Variants in RNF144A observed in about 807,000 individuals in gnomAD.
RNF144A encodes the protein E3 ubiquitin-protein ligase RNF144A.
Under a neutral mutation model 38.7 loss-of-function variants are expected in RNF144A, and 11 were observed. That is an observed-to-expected ratio of 0.28 (90% CI 0.18 to 0.47). The LOEUF (loss-of-function observed/expected upper bound fraction) is 0.47. Among genes scored for constraint, RNF144A ranks in the 20% least tolerant of loss-of-function variants. The probability of loss-of-function intolerance (pLI) is 0.99; values close to 1 mark genes in which losing one functional copy is unlikely to be tolerated. For missense variants in RNF144A, 316 were observed against 377.2 expected, an observed-to-expected ratio of 0.84 and a Z score of 1.34; for synonymous variants, 149 against 143.9, an observed-to-expected ratio of 1.04 and a Z score of -0.25.
At chr2:6,923,396 C>T (rs1034415218) in intron 1 of RNF144A, among the ~76,000 whole-genome samples, 3 of 152,178 alleles carry the variant, frequency 2.0e-5, no homozygotes, top group Non-Finnish European at 4.4e-5. Context: ...CCTCCAGCCA[C>T]GCTCGTTGCC....
downstream of RNF144A, among the ~76,000 whole-genome samples, chr2:7,072,167 T>C (rs905822573): frequency 1.3e-5 from 2 of 152,214 alleles, no homozygotes; most frequent in Non-Finnish European, 2.9e-5. Flanking sequence ...TGGGTAAATG[T>C]TTAGCCACAT....
downstream of RNF144A, among the ~76,000 whole-genome samples, chr2:7,046,477 G>A (rs16865867): frequency 0.14 from 21,014 of 152,162 alleles, 2,253 homozygotes; most frequent in East Asian, 0.55. Flanking sequence ...TTGAACATTG[G>A]GATAAAAAGT....
intron 6 of RNF144A, among the ~76,000 whole-genome samples, chr2:7,054,015 A>G (rs1440342875): frequency 1.3e-5 from 2 of 152,222 alleles, no homozygotes; most frequent in Non-Finnish European, 2.9e-5. Flanking sequence ...TCAGCATGGC[A>G]TGGCATGGCT....
intron 3 of RNF144A, among the ~76,000 whole-genome samples, chr2:7,008,361 T>TA (rs1670584213): frequency 6.6e-6 from 1 of 152,234 alleles, no homozygotes; most frequent in South Asian, 2.1e-4. Context: ...CCCAGTCCCT[T>TA]ACCCTCCAGC....
chr2:6,997,946 C>T (rs537201669), intron 3 of RNF144A, among the ~76,000 whole-genome samples: 1 of 151,992 alleles, frequency 6.6e-6, no homozygotes, highest in East Asian at 1.9e-4. Flanking sequence ...AGTATTCTCA[C>T]CACACACACA....
intron 2 of RNF144A, among the ~76,000 whole-genome samples, chr2:6,959,755 C>T (rs996834117): frequency 4.6e-5 from 7 of 152,164 alleles, no homozygotes; most frequent in East Asian, 1.9e-4. Context: ...TGAGGGCAGA[C>T]GCCTTATGAC....
chr2:7,050,523 G>A (rs1360410926), intron 6 of RNF144A, among the ~76,000 whole-genome samples: 1 of 152,116 alleles, frequency 6.6e-6, no homozygotes, highest in South Asian at 2.1e-4. Flanking sequence ...CACACCTGGG[G>A]CCTCCTAAAG....
chr2:6,918,319 A>G (rs761426247), intron 1 of RNF144A: 1 of 152,334 alleles, frequency 6.6e-6, no homozygotes, highest in Non-Finnish European at 1.5e-5. Context: ...AGCCCCCTGC[A>G]CTGTGCTTGG....
intron 2 of RNF144A, among the ~76,000 whole-genome samples, chr2:6,985,268 C>CTTTTT (rs1558405817): frequency 7.8e-6 from 1 of 128,614 alleles, no homozygotes. Flanking sequence ...TCCCTCCCCC[C>CTTTTT]TCTTTTTTTT....
At position 6,962,769 on chromosome 2, in the gene RNF144A, G is replaced by A. The variant is rs544764445; in HGVS notation, c.-12+21622G>A. Among the ~76,000 whole-genome samples, 4 of 152,276 alleles carry A rather than the reference G, an allele frequency of 2.6e-5. No homozygotes were observed. The highest frequency in any genetic ancestry group is 9.6e-5 in the African/African-American group (4 of 41,562). On this transcript the variant is annotated intron_variant, in intron 2 of 8. Coordinates refer to ENST00000320892, the MANE Select transcript of RNF144A (RefSeq NM_014746.6). This position sits in a 1 kb window ranked among gnomAD's most constrained non-coding sequence, Gnocchi z 4.1. ...CACAGCATAAACTTCCAGAGGCAGG[G>A]CAATACCTTTTCCATTACTGAGCAC...
intron 2 of RNF144A, among the ~76,000 whole-genome samples, chr2:6,986,212 C>T (rs1282174176): frequency 6.6e-6 from 1 of 152,056 alleles, no homozygotes; most frequent in South Asian, 2.1e-4. Context: ...CTCAGGGTCA[C>T]ATGGGTCAGT....
At chr2:6,990,064 T>A (rs1044246675) in intron 2 of RNF144A, among the ~76,000 whole-genome samples, 3 of 152,216 alleles carry the variant, frequency 2.0e-5, no homozygotes, top group South Asian at 2.1e-4. Context: ...CCAGGGTTCA[T>A]AATTTCCTAT....
intron 2 of RNF144A, among the ~76,000 whole-genome samples, chr2:6,956,082 A>G (rs1666978154): frequency 6.6e-6 from 1 of 152,170 alleles, no homozygotes; most frequent in Non-Finnish European, 1.5e-5. Context: ...TGGGACCTTT[A>G]AAAATAAGGT....
chr2:6,930,567 A>G (rs1016071342), intron 1 of RNF144A, among the ~76,000 whole-genome samples: 1 of 151,946 alleles, frequency 6.6e-6, no homozygotes, highest in Admixed American at 6.6e-5. Context: ...ATCTATCTGT[A>G]TATACATACA....
chr2:7,073,646 AG>A, the RNF144A span, among the ~76,000 whole-genome samples: 1 of 152,256 alleles, frequency 6.6e-6, no homozygotes, highest in Non-Finnish European at 1.5e-5. Flanking sequence ...TTGTTATTTC[AG>A]TGAAAAGTAA....
At chr2:7,033,662 CTT>C (rs1350647440) in intron 8 of RNF144A, among the ~76,000 whole-genome samples, 1 of 152,192 alleles carries the variant, frequency 6.6e-6, no homozygotes, top group Non-Finnish European at 1.5e-5. Context: ...CGTGAAGTCT[CTT>C]GTGTGTGACT....
chr2:7,073,634 C>T, the RNF144A span, among the ~76,000 whole-genome samples: 2 of 152,260 alleles, frequency 1.3e-5, no homozygotes, highest in African/African-American at 2.4e-5. Context: ...GTTAAATAAC[C>T]GTTGTTATTT....
At position 6,962,223 on chromosome 2, in the gene RNF144A, C is replaced by T. The variant is rs528714988; in HGVS notation, c.-12+21076C>T. 2.0e-5 allele frequency among the ~76,000 whole-genome samples: 3 copies of T among 152,286 alleles called. No individual in the cohort carries two copies. Among genetic ancestry groups the T allele is most frequent in the Admixed American group, 2.0e-4 (3 of 15,306 alleles). ...ATAGGGCACAAATCTCTGGTAGCCC[C>T]CACCCTAATGATTTATTATGCAGGC... On this transcript the variant is annotated intron_variant, in intron 2 of 8. Transcript: ENST00000320892. This position sits in a 1 kb window ranked among gnomAD's most constrained non-coding sequence, Gnocchi z 4.1.
downstream of RNF144A, among the ~76,000 whole-genome samples, chr2:7,045,008 G>A (rs1030112386): frequency 2.0e-5 from 3 of 152,334 alleles, no homozygotes; most frequent in African/African-American, 7.2e-5. Context: ...CAGGCTTTGC[G>A]GGCACAGCAC....
Sources: gnomAD v4.1 joint callset for allele counts (sites outside exome capture counted in the v4.1 genomes callset) on GRCh38, gnomAD v4.1.1 for gene constraint, Gnocchi (gnomAD v3.1) non-coding constraint, MANE v1.5 for transcripts, NCBI Gene and HGNC (gene_info 2026-07-23, HGNC 2026-07-21) for gene names.